Variants in CSMD1 observed in about 807,000 individuals in gnomAD.
CSMD1 encodes CUB and Sushi multiple domains 1.
Under a neutral mutation model 417.5 loss-of-function variants are expected in CSMD1, and 213 were observed. The observed-to-expected ratio is 0.51, with a 90% CI of 0.46 to 0.57. The LOEUF (loss-of-function observed/expected upper bound fraction) is 0.57. Among genes scored for constraint, CSMD1 ranks in the 20% least tolerant of loss-of-function variants. The pLI is 0.00. For synonymous variants in CSMD1, 2,862 were observed against 1,736.8 expected, an observed-to-expected ratio of 1.65 and a Z score of -16.11; for missense variants, 6,923 against 4,529.7, an observed-to-expected ratio of 1.53 and a Z score of -15.17.
chr8:3,637,869 A>C (rs946666099), intron 7 of CSMD1, among the ~76,000 whole-genome samples: 7 of 152,184 alleles, frequency 4.6e-5, no homozygotes, highest in Non-Finnish European at 1.0e-4. Flanking sequence ...AAGTCTCACA[A>C]GATCTGATGG....
intron 1 of CSMD1, among the ~76,000 whole-genome samples, chr8:4,856,625 G>A (rs972511893): frequency 5.0e-4 from 73 of 146,332 alleles, no homozygotes; most frequent in African/African-American, 1.9e-3. Context: ...CCTAGTCTCT[G>A]ATAAAACAGA....
intron 50 of CSMD1, among the ~76,000 whole-genome samples, chr8:3,032,106 A>C (rs1377487584): frequency 6.6e-6 from 1 of 151,918 alleles, no homozygotes; most frequent in Non-Finnish European, 1.5e-5. Flanking sequence ...TAGGAGTAAA[A>C]AGAAAAGTGA....
rs377103261 is a variant in CSMD1, at chr8:3,219,244, A to G, written c.4672+11T>C. On this transcript the variant is annotated intron_variant, in intron 29 of 69. Coordinates refer to ENST00000635120, the MANE Select transcript of CSMD1 (RefSeq NM_033225.6). ...AATTAATTCCCACTCAAATTCAGGC[A>G]ATCGCAATACCTTTAAATTCAATGG... 12 of 1,576,830 alleles carry G rather than the reference A, an allele frequency of 7.6e-6. No individual in the cohort carries two copies. Among genetic ancestry groups the G allele is most frequent in the Non-Finnish European group, 1.0e-5 (12 of 1,159,832 alleles).
intron 54 of CSMD1, among the ~76,000 whole-genome samples, chr8:2,990,586 G>A (rs149310731): frequency 6.6e-6 from 1 of 152,180 alleles, no homozygotes; most frequent in East Asian, 1.9e-4. Flanking sequence ...CCACATTATC[G>A]GCGAAAGCAG....
At chr8:3,805,003 C>T (rs1800648651) in intron 5 of CSMD1, among the ~76,000 whole-genome samples, 2 of 152,146 alleles carry the variant, frequency 1.3e-5, no homozygotes, top group South Asian at 4.1e-4. Context: ...TTCACTTCTT[C>T]TGGTCTTGAA....
chr8:4,186,029 T>G (rs1300197126), intron 3 of CSMD1, among the ~76,000 whole-genome samples: 3 of 152,160 alleles, frequency 2.0e-5, no homozygotes, highest in African/African-American at 7.2e-5. Context: ...AATCCCTAGG[T>G]ACATAGTGCC....
At chr8:4,237,687 A>C (rs1802150503) in intron 3 of CSMD1, among the ~76,000 whole-genome samples, 2 of 151,928 alleles carry the variant, frequency 1.3e-5, no homozygotes, top group Admixed American at 1.3e-4. Context: ...AGCTAATTTT[A>C]CTTTTTGTAG....
chr8:3,858,150 A>C (rs1278685654), intron 5 of CSMD1, among the ~76,000 whole-genome samples: 1 of 152,212 alleles, frequency 6.6e-6, no homozygotes, highest in Non-Finnish European at 1.5e-5. Flanking sequence ...CTAGAGGTAG[A>C]AATGGAGGCT....
At chr8:4,632,054 G>C (rs1330979788) in intron 2 of CSMD1, among the ~76,000 whole-genome samples, 1 of 152,290 alleles carries the variant, frequency 6.6e-6, no homozygotes, top group African/African-American at 2.4e-5. Flanking sequence ...TTTGGGACAA[G>C]TAAATAAAAC....
At chr8:3,745,283 C>G (rs1797012293) in intron 6 of CSMD1, among the ~76,000 whole-genome samples, 1 of 152,160 alleles carries the variant, frequency 6.6e-6, no homozygotes, top group African/African-American at 2.4e-5. Context: ...GCCACCTTCA[C>G]AACAGGAAAG....
intron 26 of CSMD1, among the ~76,000 whole-genome samples, chr8:3,249,331 C>G (rs529753498): frequency 1.1e-4 from 16 of 152,106 alleles, no homozygotes; most frequent in Non-Finnish European, 2.1e-4. Context: ...ATGTGATTCT[C>G]AATGCCTCAG....
chr8:4,027,297 C>G (rs1797112380), intron 4 of CSMD1, among the ~76,000 whole-genome samples: 1 of 152,106 alleles, frequency 6.6e-6, no homozygotes, highest in Admixed American at 6.6e-5. Context: ...GAGAGTGAGT[C>G]AGGAGTAGAA....
chr8:4,919,790 G>A (rs147020348), intron 1 of CSMD1, among the ~76,000 whole-genome samples: 125 of 152,198 alleles, frequency 8.2e-4, no homozygotes, highest in African/African-American at 3.0e-3. Flanking sequence ...GATTACAGTA[G>A]GTCCCCCCAT....
At chr8:3,732,050 A>C (rs1796299315) in intron 6 of CSMD1, among the ~76,000 whole-genome samples, 1 of 151,932 alleles carries the variant, frequency 6.6e-6, no homozygotes, top group South Asian at 2.1e-4. Context: ...AGACAAAAAA[A>C]ATGCTCCATT....
At chr8:3,682,592 T>C (rs1447342827) in intron 7 of CSMD1, among the ~76,000 whole-genome samples, 1 of 152,190 alleles carries the variant, frequency 6.6e-6, no homozygotes, top group Non-Finnish European at 1.5e-5. Context: ...ACACTGTTGG[T>C]GGGACTGTAA....
At chr8:4,711,091 T>C (rs2617049) in intron 1 of CSMD1, among the ~76,000 whole-genome samples, 54,930 of 151,302 alleles carry the variant, frequency 0.36, 10,471 homozygotes, top group Non-Finnish European at 0.42. Context: ...AAAACAGTCT[T>C]ATGTAAATAG....
chr8:3,879,677 G>A (rs1047420740), intron 5 of CSMD1, among the ~76,000 whole-genome samples: 4 of 152,086 alleles, frequency 2.6e-5, no homozygotes, highest in Admixed American at 6.6e-5. Context: ...ATTTCTTGAC[G>A]TCACATAGTT....
At chr8:3,983,522 G>A (rs998540638) in intron 5 of CSMD1, among the ~76,000 whole-genome samples, 1 of 152,186 alleles carries the variant, frequency 6.6e-6, no homozygotes. Flanking sequence ...ACAGGAAACT[G>A]CCCTTGGATG....
At chr8:4,800,321 C>A (rs1469031908) in intron 1 of CSMD1, among the ~76,000 whole-genome samples, 1 of 151,442 alleles carries the variant, frequency 6.6e-6, no homozygotes, top group Non-Finnish European at 1.5e-5. Context: ...ATCCCACCTA[C>A]TCGTGAGGCT....
Sources: gnomAD v4.1 joint callset for allele counts (sites outside exome capture counted in the v4.1 genomes callset) on GRCh38, gnomAD v4.1.1 for gene constraint, MANE v1.5 for transcripts, NCBI Gene and HGNC (gene_info 2026-07-23, HGNC 2026-07-21) for gene names.